The following UNC45A variants were observed in gnomAD, a reference collection of about 807,000 sequenced individuals.
UNC45A encodes the protein unc-45 myosin chaperone A.
In UNC45A, 78 loss-of-function variants were observed where a neutral mutation model predicts 103.2. The observed-to-expected ratio is 0.76, with a 90% CI of 0.63 to 0.91. UNC45A has a LOEUF of 0.91. Among genes scored for constraint, UNC45A ranks in the 40% least tolerant of loss-of-function variants. The pLI is 0.00. For synonymous variants in UNC45A, 495 were observed against 504.6 expected (o/e 0.98, Z 0.25); for missense variants, 1,193 against 1,224.8 (o/e 0.97, Z 0.39).
Position 90,946,637 on chromosome 15 carries a change from T to TGGCC in UNC45A, c.1226_1229dup (p.Lys411ArgfsTer18), listed in dbSNP as rs1215549479. The TGGCC allele has an allele frequency of 1.2e-6, 2 of 1,609,300 alleles. No homozygotes were observed. The highest frequency in any genetic ancestry group is 4.5e-5 in the East Asian group (2 of 44,804). On this transcript the variant is annotated frameshift_variant, in exon 10 of 20. Transcript: ENST00000418476. LOFTEE classifies it high-confidence loss of function. ...AGGAGCTGGTTTGAGGGCCAAGGGC[T>TGGCC]GGCCGGGAAGCTACGGGCCATCCAG...
At chr15:90,934,066 C>T, upstream of UNC45A, 1 of 399,074 alleles carries the variant, frequency 2.5e-6, no homozygotes, top group Non-Finnish European at 4.4e-6. Context: ...AGGTCAGGCC[C>T]CTTGCTGACA....
chr15:90,947,945 C>T lies in UNC45A; in HGVS notation c.1595+55C>T, dbSNP rs2036659757. 6 of 1,547,826 alleles carry T rather than the reference C, an allele frequency of 3.9e-6. No individual in the cohort carries two copies. In the South Asian group the frequency reaches 5.6e-5, roughly 15 times the overall value. The stretch of plus-strand genomic sequence containing the variant: ...CACCTGTGGGGTAGATCTCAAGACA[C>T]AGGGGTCTGGGTGGGGGTTGGGGCC... On this transcript the variant is annotated intron_variant, in intron 11 of 19. Transcript: ENST00000418476.
At chr15:90,949,563 G>T in intron 14 of UNC45A, 91 bp from the exon 15 acceptor site, 1 of 1,598,566 alleles carries the variant, frequency 6.3e-7, no homozygotes, top group African/African-American at 1.3e-5. Flanking sequence ...GGGGCTGCCT[G>T]CGTGGCTGCC....
At chr15:90,936,039 C>A in intron 3 of UNC45A, 57 bp downstream of exon 3, 1 of 1,608,098 alleles carries the variant, frequency 6.2e-7, no homozygotes, top group African/African-American at 1.3e-5. Flanking sequence ...TGGGCAAGGA[C>A]TCTGGGACCG....
At chr15:90,932,296 T>G, upstream of UNC45A, 1 of 824,480 alleles carries the variant, frequency 1.2e-6, no homozygotes, top group Non-Finnish European at 1.8e-6. Flanking sequence ...CCAATTGTTA[T>G]GAGGCTTAAA....
intron 7 of UNC45A, 104 bp from the exon 8 acceptor site, chr15:90,942,808 C>A: frequency 1.3e-6 from 2 of 1,496,640 alleles, no homozygotes. Flanking sequence ...GCCTGGGATG[C>A]GGATCCCCCC....
chr15:90,948,142 G>T lies in UNC45A; in HGVS notation c.1596G>T (p.Lys532Asn). 1.2e-6 allele frequency: 2 copies of T among 1,613,990 alleles called. No individual in the cohort carries two copies. The highest frequency in any genetic ancestry group is 2.2e-5 in the South Asian group (2 of 91,082). ...CGTCCACTATCCTGCGTGTCCCCAG[G>T]TGGCTGTGCAATGACCAGATCGACG... ...STLKLAKQCRKWLCNDQIDAG... is the reference protein window; with the variant it reads ...STLKLAKQCRNWLCNDQIDAG... The change falls in exon 12 of 20, where the codon AAG becomes AAT. Residue 532 changes from lysine (K) to asparagine (N), a missense_variant and splice_region_variant. Transcript: ENST00000418476.
At chr15:90,951,639 A>C (rs2036919938) in intron 17 of UNC45A, among the ~76,000 whole-genome samples, 1 of 152,182 alleles carries the variant, frequency 6.6e-6, no homozygotes, top group Non-Finnish European at 1.5e-5. Context: ...AGAATAGCTA[A>C]TGCATGCTGG....
chr15:90,930,767 C>G (rs761739026), upstream of UNC45A: 1 of 170,334 alleles, frequency 5.9e-6, no homozygotes, highest in East Asian at 1.6e-4. Flanking sequence ...GATAATTACA[C>G]AACCCATGTC....
At chr15:90,932,513 C>T (rs777219665), upstream of UNC45A, 13 of 1,299,420 alleles carry the variant, frequency 1.0e-5, no homozygotes, top group South Asian at 9.7e-5. Context: ...TCGGCAGCCT[C>T]CAGCAGCTGC....
chr15:90,947,623 T>C (rs925277822), intron 10 of UNC45A, 173 bp from the exon 11 acceptor site: 3 of 605,084 alleles, frequency 5.0e-6, no homozygotes, highest in Non-Finnish European at 8.9e-6. Flanking sequence ...CAGTAGCTGA[T>C]TTTCTTGCCA....
intron 6 of UNC45A, among the ~76,000 whole-genome samples, chr15:90,941,572 G>T (rs954620246): frequency 6.6e-6 from 1 of 152,318 alleles, no homozygotes; most frequent in East Asian, 1.9e-4. Flanking sequence ...CCAGTTCACA[G>T]TCTTGGCCAA....
At chr15:90,935,236 G>C, upstream of UNC45A, 1 of 1,326,754 alleles carries the variant, frequency 7.5e-7, no homozygotes, top group Non-Finnish European at 1.1e-6. Context: ...CGCAAGAGTG[G>C]GGCGGGGCAG....
At position 90,953,551 on chromosome 15, in the gene UNC45A, G is replaced by A. The variant is rs1362929640; in HGVS notation, c.2670G>A (p.Val890=). The A allele has an allele frequency of 6.2e-7, 1 of 1,614,194 alleles. No homozygotes were observed. The highest frequency in any genetic ancestry group is 8.5e-7 in the Non-Finnish European group (1 of 1,180,048). The change falls in exon 20 of 20, where the codon GTG becomes GTA. Residue 890 remains valine (V), a synonymous_variant. Transcript: ENST00000418476. ...GTGCTGTGGTGGTGCTGAACATGGT[G>A]GAGGCCTCGAGGGAGATTGCCAGCA... ...HRGAVVVLNM[V]EASREIASTL...
At chr15:90,940,189 G>A in intron 5 of UNC45A, 117 bp from the exon 6 acceptor site, 2 of 1,158,022 alleles carry the variant, frequency 1.7e-6, no homozygotes, top group East Asian at 4.8e-5. Flanking sequence ...TTTTGGCCGT[G>A]GTCACTCAAC....
upstream of UNC45A, chr15:90,931,751 G>C (rs757146652): frequency 1.2e-6 from 2 of 1,614,128 alleles, no homozygotes; most frequent in Admixed American, 3.3e-5. Context: ...CAGCTTGTCT[G>C]CCAGCTTCAC....
intron 8 of UNC45A, 75 bp from the exon 9 acceptor site, chr15:90,944,817 T>G: frequency 6.6e-7 from 1 of 1,522,762 alleles, no homozygotes. Context: ...TCTCCACATC[T>G]CCTAGGAAGC....
chr15:90,953,013 G>A lies in UNC45A; in HGVS notation c.2388G>A (p.Thr796=), dbSNP rs140310728. The A allele has an allele frequency of 2.8e-4, 453 of 1,613,568 alleles. No individual in the cohort carries two copies. The African/African-American group carries it at 5.3e-3, about 19-fold the overall frequency. The change falls in exon 18 of 20, where the codon ACG becomes ACA. Residue 796 remains threonine (T), a synonymous_variant. Coordinates refer to ENST00000418476, the MANE Select transcript of UNC45A (RefSeq NM_018671.5). The stretch of plus-strand genomic sequence containing the variant: ...ATGAGATGATCCGCCGGGCAGCCAC[G>A]GAGTGCATGTGTAACTTGGCCATGA... The part of the protein sequence containing the change: ...EEHEMIRRAA[T]ECMCNLAMSK...
upstream of UNC45A, chr15:90,932,352 T>G (rs1324231071): frequency 1.1e-6 from 1 of 919,822 alleles, no homozygotes; most frequent in Non-Finnish European, 1.5e-6. Flanking sequence ...CTCAATGAGG[T>G]GCACGCCCCC....
Sources: gnomAD v4.1 joint callset for allele counts (sites outside exome capture counted in the v4.1 genomes callset) on GRCh38, gnomAD v4.1.1 for gene constraint, MANE v1.5 for transcripts, NCBI Gene and HGNC (gene_info 2026-07-23, HGNC 2026-07-21) for gene names.